The following CCDC170 variants were observed in gnomAD, a reference collection of about 807,000 sequenced individuals.
CCDC170 encodes coiled-coil domain containing 170.
A neutral mutation model predicts 72.6 loss-of-function variants in CCDC170; 69 were observed. That is an observed-to-expected ratio of 0.95 (90% CI 0.78 to 1.16). The LOEUF (loss-of-function observed/expected upper bound fraction) is 1.16, where lower values mean the gene tolerates loss of function less well. CCDC170 is among the 50% of genes most tolerant of loss of function. CCDC170 has a pLI of 0.00. For missense variants in CCDC170, 852 were observed against 832.5 expected (o/e 1.02, Z -0.29); for synonymous variants, 300 against 303.9 (o/e 0.99, Z 0.13).
intron 9 of CCDC170, among the ~76,000 whole-genome samples, chr6:151,606,133 T>C (rs11155799): frequency 0.58 from 88,895 of 152,098 alleles, 28,085 homozygotes; most frequent in Non-Finnish European, 0.72. Flanking sequence ...AACTCCTGAC[T>C]TCAGGTGATC....
chr6:151,565,186 A>C (rs770345262), intron 5 of CCDC170, among the ~76,000 whole-genome samples: 3 of 152,026 alleles, frequency 2.0e-5, no homozygotes, highest in Admixed American at 2.0e-4. Context: ...GGCTCCTGGG[A>C]TGTGGAGATG....
chr6:151,562,706 A>G (rs760948387), intron 5 of CCDC170, among the ~76,000 whole-genome samples: 3 of 152,170 alleles, frequency 2.0e-5, no homozygotes, highest in Non-Finnish European at 2.9e-5. Flanking sequence ...CAGATTTTGT[A>G]TTTGGTAGTG....
chr6:151,597,343 G>T (rs1220663713), intron 9 of CCDC170, among the ~76,000 whole-genome samples: 3 of 151,810 alleles, frequency 2.0e-5, no homozygotes, highest in East Asian at 1.9e-4. Context: ...GGCCAGACTG[G>T]TCCCCAACTT....
chr6:151,532,126 G>C (rs1353872577), intron 1 of CCDC170, among the ~76,000 whole-genome samples: 1 of 151,670 alleles, frequency 6.6e-6, no homozygotes, highest in African/African-American at 2.4e-5. Context: ...CAAATGATTT[G>C]CATGTTTACA....
At chr6:151,500,102 A>G (rs1201983298) in intron 1 of CCDC170, among the ~76,000 whole-genome samples, 3 of 151,308 alleles carry the variant, frequency 2.0e-5, no homozygotes. Flanking sequence ...CCTCACCCCC[A>G]CTTGTTATTT....
chr6:151,503,603 C>G (rs899616594), intron 1 of CCDC170, among the ~76,000 whole-genome samples: 1 of 152,004 alleles, frequency 6.6e-6, no homozygotes. Context: ...CAGGCATGCA[C>G]CACCACGCCC....
intron 9 of CCDC170, among the ~76,000 whole-genome samples, chr6:151,602,957 T>C (rs2034404711): frequency 6.6e-6 from 1 of 152,104 alleles, no homozygotes; most frequent in South Asian, 2.1e-4. Context: ...TGTGCCACCA[T>C]GCCCGGCTAG....
At chr6:151,575,823 C>A (rs1366866193) in intron 6 of CCDC170, among the ~76,000 whole-genome samples, 1 of 152,002 alleles carries the variant, frequency 6.6e-6, no homozygotes, top group Admixed American at 6.6e-5. Flanking sequence ...CCACCGTGCC[C>A]GGCTGCCAAG....
At chr6:151,532,790 T>C (rs796702399) in intron 1 of CCDC170, among the ~76,000 whole-genome samples, 2 of 152,276 alleles carry the variant, frequency 1.3e-5, no homozygotes, top group African/African-American at 4.8e-5. Context: ...TTGAATTTCA[T>C]ATGGGAAAAT....
In CCDC170 at chr6:151,556,712, A is replaced by G. The variant is rs117713841; in HGVS notation, c.774+8223A>G. On this transcript the variant is annotated intron_variant, in intron 5 of 10. Transcript: ENST00000239374. ...ATTTAAGGTCTTCATCACCTCAACTATTTATCATTTCTGTGTGTTGGGAAC... is the reference window on the plus strand; with the variant it reads ...ATTTAAGGTCTTCATCACCTCAACTGTTTATCATTTCTGTGTGTTGGGAAC... 4.2e-3 allele frequency among the ~76,000 whole-genome samples: 643 copies of G among 152,232 alleles called. 2 individuals are homozygous for G. Among genetic ancestry groups the G allele is most frequent in the Non-Finnish European group, 6.4e-3 (434 of 68,014 alleles).
chr6:151,519,008 G>A (rs1782275747), intron 1 of CCDC170, among the ~76,000 whole-genome samples: 1 of 152,204 alleles, frequency 6.6e-6, no homozygotes, highest in Non-Finnish European at 1.5e-5. Flanking sequence ...AAGGGTCTAT[G>A]TTCAGCTGTG....
At chr6:151,506,705 G>A (rs1420277644) in intron 1 of CCDC170, among the ~76,000 whole-genome samples, 2 of 152,156 alleles carry the variant, frequency 1.3e-5, no homozygotes, top group Non-Finnish European at 2.9e-5. Context: ...TTGCTGGGAA[G>A]TTTTTTTGGT....
At chr6:151,503,840 T>C (rs1782027981) in intron 1 of CCDC170, among the ~76,000 whole-genome samples, 1 of 152,134 alleles carries the variant, frequency 6.6e-6, no homozygotes, top group Non-Finnish European at 1.5e-5. Context: ...AGTTAATCAT[T>C]TGGGGCACTT....
chr6:151,577,167 GA>G (rs1562288117), intron 6 of CCDC170, among the ~76,000 whole-genome samples: 1 of 152,104 alleles, frequency 6.6e-6, no homozygotes, highest in East Asian at 1.9e-4. Flanking sequence ...TTTTGGACTG[GA>G]TAATTTTTTG....
intron 1 of CCDC170, among the ~76,000 whole-genome samples, chr6:151,532,772 A>G (rs1782508975): frequency 6.6e-6 from 1 of 152,202 alleles, no homozygotes; most frequent in African/African-American, 2.4e-5. Flanking sequence ...GAATTTTCCA[A>G]GAAGATTTTG....
chr6:151,571,030 A>T (rs1776210620), intron 5 of CCDC170, among the ~76,000 whole-genome samples: 2 of 152,206 alleles, frequency 1.3e-5, no homozygotes, highest in African/African-American at 4.8e-5. Context: ...TTTTCTTTCA[A>T]ATTGATGCCT....
chr6:151,585,552 A>G (rs1336155168), intron 6 of CCDC170, among the ~76,000 whole-genome samples: 6 of 152,234 alleles, frequency 3.9e-5, no homozygotes, highest in Non-Finnish European at 1.5e-5. Context: ...TTTTTACAGT[A>G]CTTTTTGTCT....
At chr6:151,575,639 C>T (rs1396740403) in intron 6 of CCDC170, among the ~76,000 whole-genome samples, 1 of 142,338 alleles carries the variant, frequency 7.0e-6, no homozygotes, top group African/African-American at 2.6e-5. Context: ...AAGCAATACT[C>T]CTGCCTCAGC....
At chr6:151,564,154 G>C (rs1383621831) in intron 5 of CCDC170, among the ~76,000 whole-genome samples, 2 of 152,118 alleles carry the variant, frequency 1.3e-5, no homozygotes, top group African/African-American at 4.8e-5. Flanking sequence ...TTTTGGATTT[G>C]CTTTTATAGG....
Sources: allele counts gnomAD v4.1 joint callset (sites outside exome capture counted in the v4.1 genomes callset), GRCh38; gene constraint gnomAD v4.1.1; transcripts MANE v1.5; gene names NCBI Gene and HGNC (gene_info 2026-07-23, HGNC 2026-07-21).